The following NTNG1 variants were observed in gnomAD, a reference collection of about 807,000 sequenced individuals.
The protein encoded by NTNG1 is netrin G1.
A neutral mutation model predicts 54.0 loss-of-function variants in NTNG1; 16 were observed. The observed-to-expected ratio is 0.30, with a 90% CI of 0.20 to 0.45. The LOEUF (loss-of-function observed/expected upper bound fraction) is 0.45, where lower values mean the gene tolerates loss of function less well. NTNG1 is among the 20% of genes least tolerant of loss of function. The pLI is 1.00. For missense variants in NTNG1, 530 were observed against 678.7 expected (o/e 0.78, Z 2.43); for synonymous variants, 255 against 263.1 (o/e 0.97, Z 0.30).
At chr1:107,416,349 C>A (rs1674202884) in intron 5 of NTNG1, among the ~76,000 whole-genome samples, 1 of 151,434 alleles carries the variant, frequency 6.6e-6, no homozygotes, top group Admixed American at 6.6e-5. Context: ...TAGGCAAATA[C>A]AAAGGCTTCC....
intron 3 of NTNG1, among the ~76,000 whole-genome samples, chr1:107,372,661 A>T (rs1670992412): frequency 6.6e-6 from 1 of 152,114 alleles, no homozygotes; most frequent in African/African-American, 2.4e-5. Flanking sequence ...AATAAGATCA[A>T]GTTGGTGGAT....
At chr1:107,305,299 G>A (rs1666614648) in intron 2 of NTNG1, among the ~76,000 whole-genome samples, 1 of 152,154 alleles carries the variant, frequency 6.6e-6, no homozygotes, top group Non-Finnish European at 1.5e-5. Context: ...CTAGGTCCTT[G>A]AGGAATCGCC....
At chr1:107,247,018 T>C (rs1311050376) in intron 2 of NTNG1, among the ~76,000 whole-genome samples, 2 of 152,190 alleles carry the variant, frequency 1.3e-5, no homozygotes, top group Non-Finnish European at 2.9e-5. Flanking sequence ...ACCCAGCGGA[T>C]TCGGAGATGA....
chr1:107,402,686 T>C (rs1028200334), intron 4 of NTNG1, among the ~76,000 whole-genome samples: 5 of 152,124 alleles, frequency 3.3e-5, no homozygotes, highest in Non-Finnish European at 7.4e-5. Flanking sequence ...TCAACAGCAG[T>C]TTATACTAGG....
At chr1:107,372,165 A>G (rs983133212) in intron 3 of NTNG1, among the ~76,000 whole-genome samples, 3 of 151,452 alleles carry the variant, frequency 2.0e-5, no homozygotes, top group Middle Eastern at 3.4e-3. Flanking sequence ...TATTTTTTCT[A>G]TTTCATTGGT....
chr1:107,350,923 A>T (rs774324533), intron 3 of NTNG1, among the ~76,000 whole-genome samples: 2 of 152,208 alleles, frequency 1.3e-5, no homozygotes, highest in Non-Finnish European at 2.9e-5. Flanking sequence ...GCTAATGTAC[A>T]GCATGGTGAC....
rs1292921395 is a variant in NTNG1, at chr1:107,148,916, G to T, written c.246+77G>T. On this transcript the variant is annotated intron_variant, in intron 2 of 7. Coordinates refer to ENST00000370068, the MANE Select transcript of NTNG1 (RefSeq NM_001113226.3). ...ATATGCATACAGATGTGGTGAGTGTGAAGACAATTCATGCAATAAGTTGAA... is the reference window on the plus strand; with the variant it reads ...ATATGCATACAGATGTGGTGAGTGTTAAGACAATTCATGCAATAAGTTGAA... 10 of 1,410,848 alleles carry T rather than the reference G, an allele frequency of 7.1e-6. No homozygotes were observed. In the Admixed American group the frequency reaches 1.5e-4, roughly 21 times the overall value. 87.4% of individuals were successfully genotyped at this position (1,410,848 alleles called of 1,614,324 possible). A position where few individuals can be genotyped will look rare whatever the true frequency, so the allele number is the denominator to read the frequency against.
chr1:107,173,506 GC>G (rs1344861891), intron 2 of NTNG1, among the ~76,000 whole-genome samples: 5 of 152,072 alleles, frequency 3.3e-5, no homozygotes, highest in Non-Finnish European at 7.4e-5. Context: ...ACTTCGCTTT[GC>G]CTGAAAAACT....
chr1:107,293,359 G>C (rs1012701153), intron 2 of NTNG1, among the ~76,000 whole-genome samples: 1 of 152,044 alleles, frequency 6.6e-6, no homozygotes, highest in African/African-American at 2.4e-5. Flanking sequence ...TCATATTCTA[G>C]GAATTTTTCC....
intron 5 of NTNG1, among the ~76,000 whole-genome samples, chr1:107,416,557 G>A (rs1045500308): frequency 1.2e-4 from 18 of 151,358 alleles, no homozygotes; most frequent in Admixed American, 5.9e-4. Flanking sequence ...GCACCCTGTG[G>A]GAAAAAAATC....
At chr1:107,342,081 A>G (rs1668931486) in intron 3 of NTNG1, among the ~76,000 whole-genome samples, 1 of 152,124 alleles carries the variant, frequency 6.6e-6, no homozygotes, top group African/African-American at 2.4e-5. Context: ...ACTATAAGTC[A>G]CTTTTTGTTT....
chr1:107,255,635 C>G (rs188111449), intron 2 of NTNG1, among the ~76,000 whole-genome samples: 85 of 152,272 alleles, frequency 5.6e-4, no homozygotes, highest in African/African-American at 2.0e-3. Flanking sequence ...CAGTCGAATA[C>G]GAAATTCTAG....
intron 2 of NTNG1, among the ~76,000 whole-genome samples, chr1:107,179,448 T>C (rs1380470530): frequency 6.6e-6 from 1 of 152,206 alleles, no homozygotes; most frequent in East Asian, 1.9e-4. Flanking sequence ...TTTTGCTCTA[T>C]GACATTTTTC....
At chr1:107,191,859 C>A (rs953528627) in intron 2 of NTNG1, among the ~76,000 whole-genome samples, 1 of 151,892 alleles carries the variant, frequency 6.6e-6, no homozygotes, top group African/African-American at 2.4e-5. Flanking sequence ...AGTCAGGTAG[C>A]ATGATGCCTC....
At chr1:107,357,525 T>G (rs1386429240) in intron 3 of NTNG1, among the ~76,000 whole-genome samples, 2 of 152,228 alleles carry the variant, frequency 1.3e-5, no homozygotes, top group Admixed American at 1.3e-4. Flanking sequence ...TCATAGTTCC[T>G]TAAAAACTTT....
chr1:107,280,496 T>G (rs1664777459), intron 2 of NTNG1, among the ~76,000 whole-genome samples: 2 of 152,094 alleles, frequency 1.3e-5, no homozygotes, highest in Non-Finnish European at 2.9e-5. Context: ...GTTTTCTTTT[T>G]GTTTGTCTTG....
chr1:107,162,808 A>G (rs1350589362), intron 2 of NTNG1, among the ~76,000 whole-genome samples: 2 of 152,164 alleles, frequency 1.3e-5, no homozygotes, highest in African/African-American at 2.4e-5. Flanking sequence ...CTTCATTACT[A>G]GACTATAACA....
At chr1:107,283,284 A>G (rs1207982948) in intron 2 of NTNG1, among the ~76,000 whole-genome samples, 1 of 152,110 alleles carries the variant, frequency 6.6e-6, no homozygotes, top group African/African-American at 2.4e-5. Context: ...AACCTTTTTC[A>G]GCCATGAGTG....
rs544969521 is a variant in NTNG1, at chr1:107,187,149, G to A, written c.246+38310G>A. 7.2e-5 allele frequency among the ~76,000 whole-genome samples: 11 copies of A among 151,892 alleles called. No individual in the cohort carries two copies. In the South Asian group the frequency reaches 1.5e-3, roughly 20 times the overall value. On this transcript the variant is annotated intron_variant, in intron 2 of 7. Coordinates refer to ENST00000370068, the MANE Select transcript of NTNG1 (RefSeq NM_001113226.3). ...GTTATAGCATCTGTTTCTTTTCTTC[G>A]TTTTGCCTATTACTCTCTGTATTTT...
Sources: allele counts gnomAD v4.1 joint callset (sites outside exome capture counted in the v4.1 genomes callset), GRCh38; gene constraint gnomAD v4.1.1; transcripts MANE v1.5; gene names NCBI Gene and HGNC (gene_info 2026-07-23, HGNC 2026-07-21).